Variants in HAUS7 observed in about 807,000 individuals in gnomAD.
HAUS7 encodes HAUS augmin-like complex subunit 7.
In HAUS7, 3 loss-of-function variants were observed where a neutral mutation model predicts 28.4. The ratio of observed to expected loss-of-function variants is 0.11; its 90% CI spans 0.05 to 0.27. The LOEUF is 0.27. Among genes scored for constraint, HAUS7 ranks in the 10% least tolerant of loss-of-function variants. The pLI, the probability that HAUS7 is intolerant of heterozygous loss-of-function variation, is 1.00. For missense variants in HAUS7, 284 were observed against 297.3 expected, an observed-to-expected ratio of 0.96 and a Z score of 0.33; for synonymous variants, 165 against 132.1, an observed-to-expected ratio of 1.25 and a Z score of -1.71.
chrX:153,486,223 C>A, intron 1 of HAUS7: 1 of 419,793 alleles, frequency 2.4e-6, no homozygotes, highest in Non-Finnish European at 3.5e-6. Flanking sequence ...ACAGGCTGGC[C>A]TTTGGGCTCC....
chrX:153,465,155 C>A, intron 2 of HAUS7, 100 bp from the exon 3 acceptor site: 2 of 544,653 alleles, frequency 3.7e-6, no homozygotes, highest in South Asian at 2.8e-5. Context: ...TGCACGTGCT[C>A]AACGGCACGG....
chrX:153,493,047 C>T (rs953728710), intron 1 of HAUS7, among the ~76,000 whole-genome samples: 1 of 112,234 alleles, frequency 8.9e-6, no homozygotes, highest in Non-Finnish European at 1.9e-5. Context: ...GTGCTTACCA[C>T]ACGATTTGCG....
At chrX:153,482,641 A>C (rs952775038) in intron 1 of HAUS7, 2 of 728,052 alleles carry the variant, frequency 2.7e-6, no homozygotes, top group African/African-American at 4.6e-5. Flanking sequence ...CCTGGCCTCT[A>C]GGGGCAGGCA....
upstream of HAUS7, chrX:153,470,753 G>A (rs2089513651): frequency 1.8e-6 from 1 of 558,663 alleles, no homozygotes; most frequent in Admixed American, 3.2e-5. Context: ...CCAGAGGCAG[G>A]ACCACAGTGA....
upstream of HAUS7, among the ~76,000 whole-genome samples, chrX:153,475,283 G>T (rs1257833201): frequency 3.6e-5 from 4 of 111,934 alleles, no homozygotes; most frequent in African/African-American, 1.3e-4. Context: ...CCTGCTGCGT[G>T]CCACCCTCTG....
upstream of HAUS7, among the ~76,000 whole-genome samples, chrX:153,474,885 C>A (rs1175183752): frequency 2.7e-5 from 3 of 111,680 alleles, no homozygotes; most frequent in Non-Finnish European, 5.7e-5. Flanking sequence ...TCGCCCCCTC[C>A]GCGGGGAGAC....
At chrX:153,451,218 C>T (rs782811380) in intron 9 of HAUS7, among the ~76,000 whole-genome samples, 5 of 112,163 alleles carry the variant, frequency 4.5e-5, no homozygotes, top group African/African-American at 6.5e-5. Context: ...AGCCAAGAAG[C>T]GATAAGGGGC....
chrX:153,469,413 C>G, intron 1 of HAUS7, 152 bp from the exon 2 acceptor site: 3 of 364,721 alleles, frequency 8.2e-6, no homozygotes, highest in Non-Finnish European at 1.4e-5. Context: ...GCAGCCTCCA[C>G]CTCCTGGGTT....
At chrX:153,471,466 A>G (rs1368391925), upstream of HAUS7, among the ~76,000 whole-genome samples, 1 of 111,817 alleles carries the variant, frequency 8.9e-6, no homozygotes, top group African/African-American at 3.3e-5. Flanking sequence ...GGACCCTCAA[A>G]CTCAATGCGT....
intron 2 of HAUS7, among the ~76,000 whole-genome samples, chrX:153,468,281 G>A (rs1327891848): frequency 4.4e-5 from 5 of 112,379 alleles, no homozygotes; most frequent in African/African-American, 1.6e-4. Context: ...TCCTCAAGCA[G>A]CAAGGGTAGG....
At position 153,469,228 on chromosome X, in the gene HAUS7, T is replaced by G. The variant is rs376652571; in HGVS notation, c.142A>C (p.Ile48Leu). 1.7e-6 allele frequency: 2 copies of G among 1,182,642 alleles called. No homozygotes were observed. Among genetic ancestry groups the G allele is most frequent in the African/African-American group, 3.5e-5 (2 of 57,029 alleles). ...LNCPFLEGLY[I>L]TEPKTIQELL... ...TCCTGAATTGTCTTTGGCTCTGTGA[T>G]ATACAGACCCTCGAGGAAGGGGCAG... Residue 48 changes from isoleucine to leucine, a missense_variant, in exon 2 of 10, where the codon ATC (isoleucine) becomes CTC (leucine). By Grantham distance (5) the Ile-to-Leu change is conservative. Transcript: ENST00000370211.
At chrX:153,494,303 C>T (rs1185093132) in intron 1 of HAUS7, among the ~76,000 whole-genome samples, 8 of 112,835 alleles carry the variant, frequency 7.1e-5, no homozygotes, top group Non-Finnish European at 1.3e-4. Context: ...CTGGATCCTT[C>T]GTCTCTGAAT....
intron 1 of HAUS7, among the ~76,000 whole-genome samples, chrX:153,475,873 G>A (rs1556986172): frequency 1.8e-5 from 2 of 111,694 alleles, no homozygotes. Flanking sequence ...TGACCCTGAG[G>A]CCCAAATGCT....
At chrX:153,479,712 G>C (rs1416883173) in intron 1 of HAUS7, among the ~76,000 whole-genome samples, 1 of 111,770 alleles carries the variant, frequency 8.9e-6, no homozygotes, top group Non-Finnish European at 1.9e-5. Flanking sequence ...AGGGGCTTGA[G>C]GGGCCCGAGG....
chrX:153,481,563 C>T, intron 1 of HAUS7: 1 of 756,506 alleles, frequency 1.3e-6, no homozygotes, highest in South Asian at 6.7e-5. Context: ...GCCTCCTGGC[C>T]CAGGCAGTCA....
intron 8 of HAUS7, chrX:153,455,037 G>T: frequency 9.8e-7 from 1 of 1,022,146 alleles, no homozygotes; most frequent in Non-Finnish European, 1.3e-6. Flanking sequence ...CGGCTTTTTA[G>T]GTTGGCCTCT....
At chrX:153,485,081 C>A (rs2089627333) in intron 1 of HAUS7, among the ~76,000 whole-genome samples, 1 of 112,629 alleles carries the variant, frequency 8.9e-6, no homozygotes, top group African/African-American at 3.2e-5. Context: ...GGGGTCAGGG[C>A]CTCAAGGAGT....
chrX:153,489,199 G>A (rs1390721183), intron 1 of HAUS7, among the ~76,000 whole-genome samples: 2 of 112,458 alleles, frequency 1.8e-5, no homozygotes, highest in African/African-American at 3.2e-5. Flanking sequence ...AGGAGCTCAG[G>A]GCTGGGGACT....
chrX:153,494,374 G>C (rs1380742112), intron 1 of HAUS7, among the ~76,000 whole-genome samples: 1 of 112,230 alleles, frequency 8.9e-6, no homozygotes, highest in South Asian at 3.7e-4. Context: ...CAGCCGGATC[G>C]GGCCCTCTTT....
Sources: allele counts gnomAD v4.1 joint callset (sites outside exome capture counted in the v4.1 genomes callset), GRCh38; gene constraint gnomAD v4.1.1; transcripts MANE v1.5; gene names NCBI Gene and HGNC (gene_info 2026-07-23, HGNC 2026-07-21).